The following TNPO3 variants were observed in gnomAD, a reference collection of about 807,000 sequenced individuals.
TNPO3 encodes the protein transportin-3.
A neutral mutation model predicts 122.8 loss-of-function variants in TNPO3; 65 were observed. The observed-to-expected ratio is 0.53, with a 90% CI of 0.43 to 0.65. The LOEUF is 0.65. Ranked by LOEUF, TNPO3 falls within the 30% of genes least tolerant of loss-of-function variation. The pLI is 0.00. For missense variants in TNPO3, 850 were observed against 1,136.7 expected (o/e 0.75, Z 3.63); for synonymous variants, 372 against 411.2 (o/e 0.90, Z 1.15).
At chr7:129,044,352 G>C (rs531399532) in intron 1 of TNPO3, among the ~76,000 whole-genome samples, 11 of 152,202 alleles carry the variant, frequency 7.2e-5, no homozygotes, top group Non-Finnish European at 1.3e-4. Flanking sequence ...GACTGAGACA[G>C]AAAATACAAC....
At chr7:128,985,319 G>T (rs531544076) in intron 12 of TNPO3, among the ~76,000 whole-genome samples, 1 of 152,320 alleles carries the variant, frequency 6.6e-6, no homozygotes, top group African/African-American at 2.4e-5. Context: ...TTTCAGCCAG[G>T]TGTGGTGGCT....
At chr7:128,975,978 A>T (rs1799017180) in intron 16 of TNPO3, 43 bp from the exon 17 acceptor site, 3 of 1,380,246 alleles carry the variant, frequency 2.2e-6, no homozygotes, top group African/African-American at 2.8e-5. Flanking sequence ...TCGTCCTTCA[A>T]AAAGTACCAA....
chr7:129,035,799 G>T (rs73228755), intron 1 of TNPO3, among the ~76,000 whole-genome samples: 1 of 151,814 alleles, frequency 6.6e-6, no homozygotes, highest in Admixed American at 6.6e-5. Context: ...ACAAATTATC[G>T]TCTATGCAGT....
At chr7:128,984,530 T>C (rs1585334287) in intron 12 of TNPO3, among the ~76,000 whole-genome samples, 1 of 151,880 alleles carries the variant, frequency 6.6e-6, no homozygotes, top group Non-Finnish European at 1.5e-5. Flanking sequence ...ACAAAGCCAA[T>C]GGCAAAGCTA....
At position 128,980,003 on chromosome 7, in the gene TNPO3, G is replaced by C. The variant is rs1431212116; in HGVS notation, c.1888C>G (p.Gln630Glu). 7 of 1,613,942 alleles carry C rather than the reference G, an allele frequency of 4.3e-6. No individual in the cohort carries two copies. Among genetic ancestry groups the C allele is most frequent in the Non-Finnish European group, 5.1e-6 (6 of 1,179,980 alleles). Reference sequence around the variant, plus strand: ...ATGACTTTCTGACACGGATGAGTCTGTCCATTTTCCACAATGGGATTGGTA... The same window carrying C: ...ATGACTTTCTGACACGGATGAGTCTCTCCATTTTCCACAATGGGATTGGTA... ...RHTNPIVENG[Q>E]THPCQKVIQE... is the part of the protein sequence containing the mutation. The change falls in exon 15 of 23, where the codon CAG becomes GAG. Residue 630 changes from glutamine (Q) to glutamate (E), a missense_variant. By Grantham distance (29) the Gln-to-Glu change is conservative. Coordinates refer to ENST00000265388, the MANE Select transcript of TNPO3 (RefSeq NM_012470.4).
intron 21 of TNPO3, among the ~76,000 whole-genome samples, chr7:128,966,572 T>C (rs1797946951): frequency 1.3e-5 from 2 of 152,214 alleles, no homozygotes; most frequent in Admixed American, 1.3e-4. Flanking sequence ...ATTTTTGACA[T>C]TATCTGTAAT....
Position 129,054,636 on chromosome 7 carries a change from C to T in TNPO3, c.120+15G>A. ...CCGGCCGTGCGGCACAGAACTGCCT[C>T]TCTGGGCCCCTCACCGAACGCTGCA... is the stretch of plus-strand genomic sequence containing the variant. On this transcript the variant is annotated intron_variant, in intron 1 of 22. Coordinates refer to ENST00000265388, the MANE Select transcript of TNPO3 (RefSeq NM_012470.4). 1 of 1,613,224 alleles carries T rather than the reference C, an allele frequency of 6.2e-7. No individual in the cohort carries two copies. The highest frequency in any genetic ancestry group is 1.1e-5 in the South Asian group (1 of 91,054).
intron 8 of TNPO3, among the ~76,000 whole-genome samples, chr7:128,995,028 G>A (rs1801162845): frequency 1.3e-5 from 2 of 152,128 alleles, no homozygotes; most frequent in Non-Finnish European, 2.9e-5. Context: ...TCAAACTCCT[G>A]GGTTCAAGTG....
At chr7:129,024,184 A>G (rs1320824897) in intron 1 of TNPO3, among the ~76,000 whole-genome samples, 2 of 152,220 alleles carry the variant, frequency 1.3e-5, no homozygotes, top group Admixed American at 1.3e-4. Context: ...AACTCTGAGG[A>G]AAGCCACTGC....
At chr7:129,019,325 A>T (rs1042743225) in intron 1 of TNPO3, among the ~76,000 whole-genome samples, 4 of 152,174 alleles carry the variant, frequency 2.6e-5, no homozygotes, top group African/African-American at 9.7e-5. Context: ...AAAAATTTCA[A>T]CCTCAATTTA....
intron 20 of TNPO3, among the ~76,000 whole-genome samples, chr7:128,967,891 A>C (rs562015664): frequency 4.7e-4 from 72 of 152,296 alleles, no homozygotes; most frequent in African/African-American, 1.7e-3. Context: ...CTCAGACTAC[A>C]GAAGTCCATC....
intron 19 of TNPO3, among the ~76,000 whole-genome samples, chr7:128,971,582 GAATA>G (rs1229018777): frequency 6.6e-6 from 1 of 152,134 alleles, no homozygotes; most frequent in Non-Finnish European, 1.5e-5. Flanking sequence ...ATAGAATGCA[GAATA>G]CTTACTTCTT....
chr7:129,046,795 G>A (rs746130755), intron 1 of TNPO3, among the ~76,000 whole-genome samples: 5 of 152,162 alleles, frequency 3.3e-5, no homozygotes, highest in South Asian at 2.1e-4. Flanking sequence ...CTTACATGGC[G>A]GCAGGCAAGA....
chr7:128,975,999 T>C (rs2129000265), intron 16 of TNPO3, 64 bp from the exon 17 acceptor site: 1 of 1,132,332 alleles, frequency 8.8e-7, no homozygotes, highest in Non-Finnish European at 1.3e-6. Flanking sequence ...CTTACGAAGC[T>C]GTCTCCAGGA....
intron 1 of TNPO3, among the ~76,000 whole-genome samples, chr7:129,026,983 C>T (rs1053188339): frequency 2.0e-5 from 3 of 151,740 alleles, no homozygotes; most frequent in Admixed American, 2.0e-4. Flanking sequence ...TTTGTAGAGA[C>T]AGGTCTTGCT....
At chr7:129,011,820 T>C (rs1803233024) in intron 4 of TNPO3, among the ~76,000 whole-genome samples, 1 of 152,194 alleles carries the variant, frequency 6.6e-6, no homozygotes, top group South Asian at 2.1e-4. Flanking sequence ...TCCATAAATA[T>C]GTTCATAGAG....
intron 1 of TNPO3, among the ~76,000 whole-genome samples, chr7:129,022,741 C>T (rs1238100055): frequency 6.6e-6 from 1 of 152,050 alleles, no homozygotes; most frequent in African/African-American, 2.4e-5. Context: ...TAAAGATGTG[C>T]TAAGAAAGAA....
chr7:128,972,320 A>C, intron 19 of TNPO3, 106 bp downstream of exon 19: 1 of 1,280,088 alleles, frequency 7.8e-7, no homozygotes, highest in Non-Finnish European at 1.1e-6. Context: ...GTCTACCAAT[A>C]TAGATCAAGT....
At chr7:128,983,263 A>G (rs566278438) in intron 13 of TNPO3, among the ~76,000 whole-genome samples, 2 of 152,038 alleles carry the variant, frequency 1.3e-5, no homozygotes, top group Non-Finnish European at 2.9e-5. Flanking sequence ...ATGGAGTACA[A>G]TGGCGCGATT....
Sources: gnomAD v4.1 joint callset for allele counts (sites outside exome capture counted in the v4.1 genomes callset) on GRCh38, gnomAD v4.1.1 for gene constraint, MANE v1.5 for transcripts, NCBI Gene and HGNC (gene_info 2026-07-23, HGNC 2026-07-21) for gene names.